The following C1orf21 variants were observed in gnomAD, a reference collection of about 807,000 sequenced individuals.
C1orf21 encodes the protein uncharacterized protein C1orf21.
In C1orf21, 3 loss-of-function variants were observed where a neutral mutation model predicts 18.7. That is an observed-to-expected ratio of 0.16 (90% CI 0.07 to 0.42). The LOEUF (loss-of-function observed/expected upper bound fraction) is 0.42, where lower values mean the gene tolerates loss of function less well. Ranked by LOEUF, C1orf21 falls within the 10% of genes least tolerant of loss-of-function variation. The probability of loss-of-function intolerance (pLI) is 0.99; values close to 1 mark genes in which losing one functional copy is unlikely to be tolerated. For missense variants in C1orf21, 104 were observed against 143.6 expected, an observed-to-expected ratio of 0.72 and a Z score of 1.41; for synonymous variants, 41 against 46.4, an observed-to-expected ratio of 0.88 and a Z score of 0.47.
At chr1:184,418,302 C>G (rs921836720) in intron 1 of C1orf21, among the ~76,000 whole-genome samples, 1 of 152,156 alleles carries the variant, frequency 6.6e-6, no homozygotes. Context: ...TCACTGCAGC[C>G]TTGCCTCCTG....
At position 184,534,259 on chromosome 1, in the gene C1orf21, G is replaced by A. The variant is rs921008730; in HGVS notation, c.189+26577G>A. 4.6e-5 allele frequency among the ~76,000 whole-genome samples: 7 copies of A among 152,202 alleles called. No individual in the cohort carries two copies. The East Asian group carries it at 7.7e-4, about 17-fold the overall frequency. Reference sequence around the variant, plus strand: ...TTAAATTTCTAAATTCTGTTTAAGCGAATTTAGAAAGGGAAAAAGAAAAGC... The same window carrying A: ...TTAAATTTCTAAATTCTGTTTAAGCAAATTTAGAAAGGGAAAAAGAAAAGC... On this transcript the variant is annotated intron_variant, in intron 3 of 5. Coordinates refer to ENST00000235307, the MANE Select transcript of C1orf21 (RefSeq NM_030806.4).
chr1:184,493,469 C>T (rs185300849), intron 2 of C1orf21, among the ~76,000 whole-genome samples: 15 of 152,150 alleles, frequency 9.9e-5, no homozygotes, highest in Non-Finnish European at 1.9e-4. Flanking sequence ...AACAGTCACA[C>T]GAGTACAAAT....
intron 2 of C1orf21, among the ~76,000 whole-genome samples, chr1:184,491,231 A>G (rs188314017): frequency 1.3e-5 from 2 of 152,328 alleles, no homozygotes; most frequent in Admixed American, 1.3e-4. Context: ...AGTAAAGTTT[A>G]GCATAGTGCT....
At chr1:184,529,399 C>T (rs1224654357) in intron 3 of C1orf21, among the ~76,000 whole-genome samples, 1 of 152,094 alleles carries the variant, frequency 6.6e-6, no homozygotes, top group Non-Finnish European at 1.5e-5. Context: ...TAGGTGTCCA[C>T]ATATAATAAG....
intron 1 of C1orf21, among the ~76,000 whole-genome samples, chr1:184,475,521 C>A (rs1657555944): frequency 6.6e-6 from 1 of 152,252 alleles, no homozygotes; most frequent in African/African-American, 2.4e-5. Context: ...TTCCTCTGCC[C>A]AGTCATAATC....
intron 1 of C1orf21, among the ~76,000 whole-genome samples, chr1:184,462,195 C>A (rs1348679571): frequency 6.6e-6 from 1 of 152,196 alleles, no homozygotes; most frequent in Non-Finnish European, 1.5e-5. Flanking sequence ...ACATTTGTTC[C>A]TTGCCATTAA....
At position 184,516,791 on chromosome 1, in the gene C1orf21, A is replaced by T. The variant is rs535060633; in HGVS notation, c.189+9109A>T. 2.0e-5 allele frequency among the ~76,000 whole-genome samples: 3 copies of T among 152,350 alleles called. No individual in the cohort carries two copies. In the South Asian group the frequency reaches 6.2e-4, roughly 32 times the overall value. On this transcript the variant is annotated intron_variant, in intron 3 of 5. Transcript: ENST00000235307. ...CATGGGAGTTATGAGAGTACAATTC[A>T]AAGTGAGATTTGGGTGGGGACACAG...
intron 3 of C1orf21, among the ~76,000 whole-genome samples, chr1:184,552,967 T>G (rs554551418): frequency 6.6e-6 from 1 of 152,352 alleles, no homozygotes; most frequent in South Asian, 2.1e-4. Flanking sequence ...AATGAAGTTA[T>G]TTCCATGAAT....
intron 3 of C1orf21, chr1:184,567,207 C>T: frequency 2.1e-6 from 1 of 468,846 alleles, no homozygotes; most frequent in South Asian, 1.7e-5. Flanking sequence ...CACACAATGG[C>T]TGTCATCACA....
rs924578123 is a variant in C1orf21, at chr1:184,387,668, C to T, written c.-125+300C>T. 6.6e-6 allele frequency among the ~76,000 whole-genome samples: 1 copy of T among 152,162 alleles called. No homozygotes were observed. Among genetic ancestry groups the T allele is most frequent in the African/African-American group, 2.4e-5 (1 of 41,448 alleles). On this transcript the variant is annotated intron_variant, in intron 1 of 5. Coordinates refer to ENST00000235307, the MANE Select transcript of C1orf21 (RefSeq NM_030806.4). This position sits in a 1 kb window ranked among gnomAD's most constrained non-coding sequence, Gnocchi z 5.6. Reference sequence around the variant, plus strand: ...TGTGGTCGGGGCTGCTGACGACTTTCGTCACATCGAGGCCTGGGTGGCTGG... The same window carrying T: ...TGTGGTCGGGGCTGCTGACGACTTTTGTCACATCGAGGCCTGGGTGGCTGG...
At chr1:184,592,903 C>A (rs968880333) in intron 4 of C1orf21, among the ~76,000 whole-genome samples, 18 of 152,150 alleles carry the variant, frequency 1.2e-4, no homozygotes, top group African/African-American at 4.3e-4. Context: ...AATCCACTTA[C>A]CATTTACAAT....
At chr1:184,434,464 T>G (rs576181371) in intron 1 of C1orf21, among the ~76,000 whole-genome samples, 167 of 152,314 alleles carry the variant, frequency 1.1e-3, no homozygotes, top group Admixed American at 3.3e-3. Context: ...ATAATAGCAT[T>G]CGACGAAAGA....
At chr1:184,597,130 A>C (rs191468878) in intron 4 of C1orf21, among the ~76,000 whole-genome samples, 1 of 152,320 alleles carries the variant, frequency 6.6e-6, no homozygotes, top group East Asian at 1.9e-4. Context: ...TCTGCCTTTC[A>C]AACCTGCAAT....
chr1:184,498,588 C>T (rs966281816), intron 2 of C1orf21, among the ~76,000 whole-genome samples: 5 of 152,140 alleles, frequency 3.3e-5, no homozygotes, highest in Non-Finnish European at 4.4e-5. Context: ...CCTGGAAAAA[C>T]AACTCATGTT....
At chr1:184,459,041 T>C in intron 1 of C1orf21, among the ~76,000 whole-genome samples, 1 of 152,236 alleles carries the variant, frequency 6.6e-6, no homozygotes, top group East Asian at 1.9e-4. Flanking sequence ...AACCCTTCTA[T>C]GTAGATTGCA....
At chr1:184,492,377 T>C (rs1458558044) in intron 2 of C1orf21, among the ~76,000 whole-genome samples, 1 of 152,206 alleles carries the variant, frequency 6.6e-6, no homozygotes. Flanking sequence ...CCCCACACTA[T>C]GGACAATTCA....
intron 5 of C1orf21, among the ~76,000 whole-genome samples, chr1:184,604,262 A>C (rs1558012743): frequency 6.6e-6 from 1 of 152,168 alleles, no homozygotes. Flanking sequence ...AATGATAAGA[A>C]AACCTGGGAC....
intron 1 of C1orf21, among the ~76,000 whole-genome samples, chr1:184,416,125 A>G (rs1288686519): frequency 6.6e-6 from 1 of 152,210 alleles, no homozygotes; most frequent in African/African-American, 2.4e-5. Context: ...GGCTATCTAG[A>G]TGGTCACCCC....
At chr1:184,618,091 G>T (rs1466593732) in intron 5 of C1orf21, among the ~76,000 whole-genome samples, 1 of 151,902 alleles carries the variant, frequency 6.6e-6, no homozygotes, top group Non-Finnish European at 1.5e-5. Context: ...TGTGTTTTTA[G>T]TAGAGATGGG....
Sources: gnomAD v4.1 joint callset for allele counts (sites outside exome capture counted in the v4.1 genomes callset) on GRCh38, gnomAD v4.1.1 for gene constraint, Gnocchi (gnomAD v3.1) non-coding constraint, MANE v1.5 for transcripts, NCBI Gene and HGNC (gene_info 2026-07-23, HGNC 2026-07-21) for gene names.